Variants in C6 observed in about 807,000 individuals in gnomAD.
The protein encoded by C6 is complement component C6.
C6 carries 101 observed loss-of-function variants against 112.9 expected under a neutral mutation model. That is an observed-to-expected ratio of 0.89 (90% confidence interval 0.76 to 1.06). C6 has a LOEUF of 1.06. Among genes scored for constraint, C6 ranks in the 50% least tolerant of loss-of-function variants. The pLI, the probability that C6 is intolerant of heterozygous loss-of-function variation, is 0.00. For missense variants in C6, 1,202 were observed against 1,104.6 expected (o/e 1.09, Z -1.25); for synonymous variants, 431 against 384.1 (o/e 1.12, Z -1.43).
chr5:41,245,505 G>A (rs201486908), intron 1 of C6, among the ~76,000 whole-genome samples: 2 of 151,020 alleles, frequency 1.3e-5, no homozygotes. Context: ...TGGGCAAAAA[G>A]AAAAAAAAAA....
At chr5:41,233,521 A>C (rs1414335285) in intron 1 of C6, among the ~76,000 whole-genome samples, 1 of 152,102 alleles carries the variant, frequency 6.6e-6, no homozygotes, top group Non-Finnish European at 1.5e-5. Flanking sequence ...GACTGTCAGG[A>C]GCAATTGTGT....
chr5:41,174,915 A>T (rs1412377325), intron 8 of C6, among the ~76,000 whole-genome samples: 1 of 152,178 alleles, frequency 6.6e-6, no homozygotes, highest in South Asian at 2.1e-4. Context: ...TGAACTGGAG[A>T]ATTTCATTTT....
chr5:41,198,922 T>A (rs931387681), intron 4 of C6, among the ~76,000 whole-genome samples: 1 of 152,150 alleles, frequency 6.6e-6, no homozygotes, highest in Non-Finnish European at 1.5e-5. Flanking sequence ...TCTGATTCCC[T>A]TTTTTGTCAA....
In C6 at chr5:41,205,376, G is replaced by A. The variant is rs112697124; in HGVS notation, c.-20-2126C>T. Among the ~76,000 whole-genome samples the A allele has an allele frequency of 8.2e-3, 1,243 of 152,284 alleles. 19 individuals are homozygous for A. The highest frequency in any genetic ancestry group is 0.028 in the African/African-American group (1,161 of 41,550). On this transcript the variant is annotated intron_variant, in intron 1 of 17. Transcript: ENST00000337836. ...TGGGTTCATCTCACTGGGGCTTGTC[G>A]GACAGTGGGCGCAGTCCATGGAGTG... is the stretch of plus-strand genomic sequence containing the variant.
At chr5:41,228,374 G>A (rs1272474310) in intron 1 of C6, among the ~76,000 whole-genome samples, 1 of 152,030 alleles carries the variant, frequency 6.6e-6, no homozygotes, top group Non-Finnish European at 1.5e-5. Context: ...AGTCTTTAGG[G>A]TTTTCTACAT....
At chr5:41,188,438 A>G (rs187918870) in intron 5 of C6, among the ~76,000 whole-genome samples, 3 of 151,928 alleles carry the variant, frequency 2.0e-5, no homozygotes, top group East Asian at 3.9e-4. Context: ...ATATAGATCA[A>G]TGGAACAGAA....
rs1263563915 is a variant in C6 at position 41,258,842 on chromosome 5, C to T, written c.-21+2352G>A. On this transcript the variant is annotated intron_variant, in intron 1 of 17. Coordinates refer to the C6 transcript ENST00000263413. ...GAGTGCAAGCAGGGGAAATGCCAGA[C>T]ACTTATAGAAGCATCAGATCTCATG... Among the ~76,000 whole-genome samples, 2 of 152,122 alleles carry T rather than the reference C, an allele frequency of 1.3e-5. 1 individual carries two copies. Among genetic ancestry groups the T allele is most frequent in the African/African-American group, 4.8e-5 (2 of 41,390 alleles).
intron 17 of C6, among the ~76,000 whole-genome samples, chr5:41,146,022 CTT>C (rs1166350544): frequency 6.6e-6 from 1 of 152,198 alleles, no homozygotes; most frequent in Non-Finnish European, 1.5e-5. Flanking sequence ...ATTTCTCTCT[CTT>C]AATGCTCTTA....
At chr5:41,162,446 A>T (rs1481185327) in intron 9 of C6, among the ~76,000 whole-genome samples, 1 of 152,216 alleles carries the variant, frequency 6.6e-6, no homozygotes, top group East Asian at 1.9e-4. Flanking sequence ...CTAACACAGA[A>T]AAAAACCCCC....
chr5:41,148,127 T>C (rs1256501075), intron 17 of C6, among the ~76,000 whole-genome samples: 1 of 152,344 alleles, frequency 6.6e-6, no homozygotes, highest in Admixed American at 6.5e-5. Context: ...GATGTAATCT[T>C]AGCTCACAGA....
chr5:41,251,762 G>A (rs1741377458), intron 1 of C6, among the ~76,000 whole-genome samples: 2 of 152,214 alleles, frequency 1.3e-5, no homozygotes, highest in South Asian at 2.1e-4. Flanking sequence ...GGCTGCGTGT[G>A]CCTTCCTTTC....
intron 4 of C6, among the ~76,000 whole-genome samples, chr5:41,197,097 A>G (rs1454366232): frequency 6.6e-6 from 1 of 152,130 alleles, no homozygotes; most frequent in Non-Finnish European, 1.5e-5. Context: ...AATTCTTGGG[A>G]AAATTGGGCA....
rs139476300 is a variant in C6 at position 41,229,776 on chromosome 5, T to A, written c.-20-26526A>T. Among the ~76,000 whole-genome samples, 402 of 152,298 alleles carry A rather than the reference T, an allele frequency of 2.6e-3. 11 individuals are homozygous for A. The East Asian group carries it at 0.06, about 23-fold the overall frequency. ...TGTAGTTACTGTTAACAGTGGGGTA[T>A]TAAAGTTCAATACTATTGTTTTATT... On this transcript the variant is annotated intron_variant, in intron 1 of 17. Coordinates refer to the C6 transcript ENST00000263413.
At chr5:41,252,177 C>T (rs1253488776) in intron 1 of C6, among the ~76,000 whole-genome samples, 1 of 152,150 alleles carries the variant, frequency 6.6e-6, no homozygotes, top group South Asian at 2.1e-4. Context: ...ATAGACATTC[C>T]TAAAGCATTG....
intron 1 of C6, among the ~76,000 whole-genome samples, chr5:41,244,253 T>A (rs764848954): frequency 5.3e-5 from 8 of 152,264 alleles, no homozygotes; most frequent in Non-Finnish European, 1.0e-4. Context: ...GTTTTCTTTC[T>A]TTTGAGACAA....
At chr5:41,236,176 G>T (rs1740286854) in intron 1 of C6, among the ~76,000 whole-genome samples, 1 of 106,334 alleles carries the variant, frequency 9.4e-6, no homozygotes, top group South Asian at 4.0e-4. Context: ...GAATGGTAAT[G>T]CCTAGGTTTT....
At chr5:41,253,663 T>C (rs1420801699) in intron 1 of C6, among the ~76,000 whole-genome samples, 2 of 152,224 alleles carry the variant, frequency 1.3e-5, no homozygotes, top group East Asian at 3.9e-4. Flanking sequence ...TAGCTTGTTT[T>C]TAGGTTATTT....
At chr5:41,234,357 G>T (rs1448964006) in intron 1 of C6, among the ~76,000 whole-genome samples, 205 of 125,338 alleles carry the variant, frequency 1.6e-3, no homozygotes, top group African/African-American at 5.3e-3. Flanking sequence ...TTTGTTTTTT[G>T]TTTTTTGTTT....
intron 9 of C6, among the ~76,000 whole-genome samples, chr5:41,165,362 G>C (rs1034465757): frequency 4.6e-5 from 7 of 152,122 alleles, no homozygotes; most frequent in Non-Finnish European, 7.4e-5. Flanking sequence ...TTGCCAAATA[G>C]TTTCCAAAAT....
Sources: gnomAD v4.1 joint callset for allele counts (sites outside exome capture counted in the v4.1 genomes callset) on GRCh38, gnomAD v4.1.1 for gene constraint, MANE v1.5 for transcripts, NCBI Gene and HGNC (gene_info 2026-07-23, HGNC 2026-07-21) for gene names.